ZNF48: variants seen among roughly 807,000 people sequenced by gnomAD.
The protein encoded by ZNF48 is zinc finger protein 48.
Under a neutral mutation model 40.0 loss-of-function variants are expected in ZNF48, and 20 were observed. The ratio of observed to expected loss-of-function variants is 0.50; its 90% CI spans 0.35 to 0.73. The LOEUF (loss-of-function observed/expected upper bound fraction) is 0.73, where lower values mean the gene tolerates loss of function less well. Among genes scored for constraint, ZNF48 ranks in the 30% least tolerant of loss-of-function variants. The pLI is 0.01. For synonymous variants in ZNF48, 298 were observed against 329.7 expected (o/e 0.90, Z 1.04); for missense variants, 726 against 851.9 (o/e 0.85, Z 1.84).
intron 1 of ZNF48, chr16:30,380,031 G>C (rs1597005200): frequency 1.2e-6 from 2 of 1,609,380 alleles, no homozygotes; most frequent in Non-Finnish European, 1.7e-6. Context: ...ACTGATCCCG[G>C]ATCTCAGGGG....
At position 30,399,281 on chromosome 16, in the gene ZNF48, G is replaced by C. The variant is rs552767839; in HGVS notation, c.*174G>C. 2.8e-6 allele frequency: 2 copies of C among 705,538 alleles called. No homozygotes were observed. The highest frequency in any genetic ancestry group is 2.8e-5 in the East Asian group (1 of 35,622). The allele number at this position is 705,538 out of a possible 1,614,324, so 43.7% of individuals were successfully genotyped here. ...ACCTTGAAGCTCAGGAAACTGTCCTGGCTGGGCTGAGTCAGGACCTTGCCA... is the reference window on the plus strand; with the variant it reads ...ACCTTGAAGCTCAGGAAACTGTCCTCGCTGGGCTGAGTCAGGACCTTGCCA... On this transcript the variant is annotated 3_prime_UTR_variant, in exon 3 of 3. Coordinates refer to ENST00000613509, the MANE Select transcript of ZNF48 (RefSeq NM_001214909.2).
intron 1 of ZNF48, chr16:30,379,188 A>AG (rs746574900): frequency 8.1e-6 from 13 of 1,613,356 alleles, no homozygotes; most frequent in Admixed American, 1.7e-5. Context: ...TCTCCACTGG[A>AG]GGGGGGGCGG....
intron 1 of ZNF48, chr16:30,380,138 GAGAA>G: frequency 2.3e-6 from 2 of 884,142 alleles, no homozygotes; most frequent in Non-Finnish European, 3.3e-6. Flanking sequence ...CAGAGACAGA[GAGAA>G]AGACATGAAA....
chr16:30,397,395 T>C lies in ZNF48; in HGVS notation c.145T>C (p.Leu49=), dbSNP rs1232636229. ...TGAACATACCCCACAGGAAGATGAC[T>C]TGGGGTTCAAGGAAGAAGATTTGGC... ...EFEHTPQEDD[L]GFKEEDLAPD... Residue 49 remains leucine (L), a synonymous_variant, in exon 3 of 3, where the codon TTG becomes CTG. Coordinates refer to ENST00000613509, the MANE Select transcript of ZNF48 (RefSeq NM_001214909.2). This position sits in a 1 kb window ranked among gnomAD's most constrained non-coding sequence, Gnocchi z 4.1. 2.5e-6 allele frequency: 4 copies of C among 1,613,942 alleles called. No individual in the cohort carries two copies. The highest frequency in any genetic ancestry group is 3.4e-6 in the Non-Finnish European group (4 of 1,180,014).
At chr16:30,389,273 C>G (rs979855646) in intron 1 of ZNF48, among the ~76,000 whole-genome samples, 1 of 151,826 alleles carries the variant, frequency 6.6e-6, no homozygotes, top group Non-Finnish European at 1.5e-5. Context: ...GCCCTGTAGT[C>G]CCAGCTACTC....
chr16:30,378,433 C>G (rs765265866), intron 1 of ZNF48: 23 of 1,568,270 alleles, frequency 1.5e-5, no homozygotes, highest in African/African-American at 4.1e-5. Context: ...GGGGCGTGGC[C>G]TCAGAGGGCG....
upstream of ZNF48, among the ~76,000 whole-genome samples, chr16:30,393,315 G>A (rs1028752200): frequency 6.7e-6 from 1 of 149,964 alleles, no homozygotes; most frequent in African/African-American, 2.5e-5. Flanking sequence ...GACCTCAAGT[G>A]AGCTCCTGCC....
At chr16:30,393,037 T>C (rs2049953864), upstream of ZNF48, among the ~76,000 whole-genome samples, 1 of 152,168 alleles carries the variant, frequency 6.6e-6, no homozygotes, top group South Asian at 2.1e-4. Context: ...ACTAGAACCC[T>C]TCCTGTTCTC....
chr16:30,381,759 C>G lies in ZNF48; in HGVS notation c.-16+3349C>G, dbSNP rs1424253875. 1 of 1,613,820 alleles carries G rather than the reference C, an allele frequency of 6.2e-7. No homozygotes were observed. Among genetic ancestry groups the G allele is most frequent in the South Asian group, 1.1e-5 (1 of 91,028 alleles). On this transcript the variant is annotated intron_variant, in intron 1 of 2. Coordinates refer to the ZNF48 transcript ENST00000528032. This position sits in a 1 kb window ranked among gnomAD's most constrained non-coding sequence, Gnocchi z 4.3. ...CCTCTGTCCCCTTTCCTCTTCCTCACCAGTCAGAGCAGTCCACTGAGTCCC... is the reference window on the plus strand; with the variant it reads ...CCTCTGTCCCCTTTCCTCTTCCTCAGCAGTCAGAGCAGTCCACTGAGTCCC...
At chr16:30,395,331 C>A (rs1751943004), upstream of ZNF48, 1 of 453,156 alleles carries the variant, frequency 2.2e-6, no homozygotes, top group South Asian at 1.6e-5. This position sits in a 1 kb window ranked among gnomAD's most constrained non-coding sequence, Gnocchi z 5.9. Context: ...GGCCACAGAG[C>A]TACCGCCGAC....
In ZNF48 at chr16:30,398,966, G is replaced by C; in HGVS notation, c.1716G>C (p.Lys572Asn). 1 of 1,614,022 alleles carries C rather than the reference G, an allele frequency of 6.2e-7. No homozygotes were observed. Among genetic ancestry groups the C allele is most frequent in the South Asian group, 1.1e-5 (1 of 91,082 alleles). The change falls in exon 3 of 3, where the codon AAG becomes AAC. Residue 572 changes from lysine (K) to asparagine (N), a missense_variant. Physicochemically the swap from Lys to Asn is moderately conservative, Grantham distance 94. Transcript: ENST00000613509. The surrounding 1 kb of genome is among the most constrained non-coding windows in gnomAD (Gnocchi z 6.6). ...CACACACGGGGGAGAAGCCATACAA[G>C]TGTGCAGAGTGTGGCAAGGGTTTTG... ...RRTHTGEKPY[K>N]CAECGKGFGD... is the part of the protein sequence containing the mutation.
chr16:30,390,776 A>G (rs1000206884), upstream of ZNF48, among the ~76,000 whole-genome samples: 15 of 151,554 alleles, frequency 9.9e-5, no homozygotes, highest in Admixed American at 2.0e-4. Context: ...GCCCGCCATC[A>G]CGCCTGGCTA....
chr16:30,384,772 G>T, intron 1 of ZNF48, among the ~76,000 whole-genome samples: 1 of 151,424 alleles, frequency 6.6e-6, no homozygotes. Flanking sequence ...CAGCTACTAG[G>T]GAGGCTGAGG....
chr16:30,378,350 G>T (rs1388016405), exon 1 of ZNF48: 4 of 1,313,112 alleles, frequency 3.0e-6, no homozygotes, highest in South Asian at 2.8e-5. Flanking sequence ...AGGTCCCGGG[G>T]GGCGCTGGGC....
chr16:30,379,833 C>T (rs1238809705), intron 1 of ZNF48: 3 of 720,318 alleles, frequency 4.2e-6, no homozygotes, highest in African/African-American at 3.5e-5. Context: ...TCTGGAACTC[C>T]TGACCTCAGG....
intron 1 of ZNF48, chr16:30,379,175 G>T (rs1176359510): frequency 1.9e-6 from 3 of 1,614,126 alleles, no homozygotes. Flanking sequence ...CAGTGATGTG[G>T]GTTCTCCACT....
chr16:30,396,758 C>T (rs1332451617), intron 2 of ZNF48, among the ~76,000 whole-genome samples: 2 of 145,890 alleles, frequency 1.4e-5, no homozygotes, highest in African/African-American at 5.2e-5. Flanking sequence ...GGCACAATCA[C>T]AGCTCACTGC....
Position 30,382,460 on chromosome 16 carries a change from TCTGGGGACCCCAGGCATGGGGG to T in ZNF48, c.-16+4057_-16+4078del, listed in dbSNP as rs1290156218. ...CCTGGGCTAGGAAGAGTCAGTGGGG[TCTGGGGACCCCAGGCATGGGGG>T]CTGGGGGCCGAGATGCCCAGGTTTC... On this transcript the variant is annotated intron_variant, in intron 1 of 2. Coordinates refer to the ZNF48 transcript ENST00000528032. The surrounding 1 kb of genome is among the most constrained non-coding windows in gnomAD (Gnocchi z 4.8). The T allele has an allele frequency of 6.3e-6, 10 of 1,576,832 alleles. No individual in the cohort carries two copies. Among genetic ancestry groups the T allele is most frequent in the East Asian group, 4.5e-5 (2 of 44,434 alleles).
chr16:30,380,798 G>A (rs2049834920), intron 1 of ZNF48: 2 of 336,180 alleles, frequency 5.9e-6, no homozygotes, highest in African/African-American at 4.2e-5. Flanking sequence ...AAGAGAGGCC[G>A]AGAGAGATAT....
Sources: gnomAD v4.1 joint callset for allele counts (sites outside exome capture counted in the v4.1 genomes callset) on GRCh38, gnomAD v4.1.1 for gene constraint, Gnocchi (gnomAD v3.1) non-coding constraint, MANE v1.5 for transcripts, NCBI Gene and HGNC (gene_info 2026-07-23, HGNC 2026-07-21) for gene names.